The following TOLLIP variants were observed in gnomAD, a reference collection of about 807,000 sequenced individuals.
TOLLIP encodes the protein toll-interacting protein.
In TOLLIP, 16 loss-of-function variants were observed where a neutral mutation model predicts 33.5. The observed-to-expected ratio is 0.48, with a 90% confidence interval of 0.32 to 0.72. The LOEUF (loss-of-function observed/expected upper bound fraction) is 0.72. Among genes scored for constraint, TOLLIP ranks in the 30% least tolerant of loss-of-function variants. The pLI is 0.03. For missense variants in TOLLIP, 325 were observed against 396.6 expected (o/e 0.82, Z 1.53); for synonymous variants, 176 against 163.7 (o/e 1.07, Z -0.57).
chr11:1,295,775 G>T lies in TOLLIP; in HGVS notation c.53C>A (p.Pro18Gln). The T allele has an allele frequency of 1.3e-6, 2 of 1,584,914 alleles. No individual in the cohort carries two copies. The highest frequency in any genetic ancestry group is 2.3e-5 in the East Asian group (1 of 43,212). Reference protein sequence around the residue: ...QRGPVYIGELPQDFLRITPTQ... With the variant: ...QRGPVYIGELQQDFLRITPTQ... ...GGGCGTGATGCGGAGGAAGTCCTGCGGGAGCTCACCGATGTACACCTGCGG... is the reference window on the plus strand; with the variant it reads ...GGGCGTGATGCGGAGGAAGTCCTGCTGGAGCTCACCGATGTACACCTGCGG... Residue 18 changes from proline (P) to glutamine (Q), a missense_variant, in exon 2 of 6, where the codon CCG becomes CAG. Physicochemically the swap from Pro to Gln is moderately conservative, Grantham distance 76 (BLOSUM62 -1). Transcript: ENST00000317204.
In TOLLIP at chr11:1,286,762, C is replaced by T. The variant is rs376669117; in HGVS notation, c.520-670G>A. On this transcript the variant is annotated intron_variant, in intron 4 of 5. Coordinates refer to ENST00000317204, the MANE Select transcript of TOLLIP (RefSeq NM_019009.4). ...CTCCTGAGTTCAAAACTGTCCACTG[C>T]GGATAAGTCATTGCACTGCTGTTGT... Among the ~76,000 whole-genome samples the T allele has an allele frequency of 7.1e-4, 107 of 150,422 alleles. No homozygotes were observed. The South Asian group carries it at 0.013, about 18-fold the overall frequency.
chr11:1,292,780 G>C (rs143125868), intron 2 of TOLLIP, among the ~76,000 whole-genome samples: 40 of 152,408 alleles, frequency 2.6e-4, no homozygotes, highest in African/African-American at 9.1e-4. Flanking sequence ...ATGGGCAAGA[G>C]ATGCGCGGCA....
intron 1 of TOLLIP, among the ~76,000 whole-genome samples, chr11:1,305,317 G>A (rs5743883): frequency 4.3e-4 from 65 of 152,338 alleles, no homozygotes; most frequent in African/African-American, 1.5e-3. Flanking sequence ...AGGAACGGAC[G>A]CCCTCCCAGG....
Position 1,295,761 on chromosome 11 carries a change from G to T in TOLLIP, c.67C>A (p.Arg23Ser). Residue 23 changes from arginine (R) to serine (S), a missense_variant, in exon 2 of 6, where the codon CGC becomes AGC. Arg to Ser is a moderately radical substitution (Grantham distance 110, BLOSUM62 -1). Transcript: ENST00000317204. ...CGCTGCTGCTGTGTGGGCGTGATGC[G>T]GAGGAAGTCCTGCGGGAGCTCACCG... ...YIGELPQDFL[R>S]ITPTQQQRQV... The T allele has an allele frequency of 6.3e-7, 1 of 1,598,416 alleles. No individual in the cohort carries two copies. The highest frequency in any genetic ancestry group is 8.5e-7 in the Non-Finnish European group (1 of 1,172,850).
In TOLLIP at chr11:1,276,843, C is replaced by G. The variant is rs376184285; in HGVS notation, c.*196G>C. On this transcript the variant is annotated 3_prime_UTR_variant, in exon 6 of 6. Transcript: ENST00000317204. ...CAGCACGAGATGGGAGGGGAGCCCC[C>G]GCCCCGTCCTGGACCGCCAGGAACC... The G allele has an allele frequency of 1.1e-5, 17 of 1,532,638 alleles. No homozygotes were observed. Among genetic ancestry groups the G allele is most frequent in the Non-Finnish European group, 1.5e-5 (17 of 1,145,122 alleles). The allele number at this position is 1,532,638 out of a possible 1,614,324, so 94.9% of individuals were successfully genotyped here.
Position 1,288,615 on chromosome 11 carries a change from G to T in TOLLIP, c.519+9C>A. The T allele has an allele frequency of 6.2e-7, 1 of 1,607,520 alleles. No individual in the cohort carries two copies. Among genetic ancestry groups the T allele is most frequent in the Non-Finnish European group, 8.5e-7 (1 of 1,176,788 alleles). ...AATGCGCCCCACCCCGCCCAGGCGT[G>T]CAGCTCACCGCGTAGGACATGACGA... On this transcript the variant is annotated intron_variant, in intron 4 of 5. Coordinates refer to ENST00000317204, the MANE Select transcript of TOLLIP (RefSeq NM_019009.4).
At chr11:1,282,357 A>C (rs1483414639) in intron 5 of TOLLIP, among the ~76,000 whole-genome samples, 3 of 152,234 alleles carry the variant, frequency 2.0e-5, no homozygotes, top group African/African-American at 7.2e-5. Flanking sequence ...GTTTAGGAGA[A>C]ATACCTAATG....
At position 1,308,363 on chromosome 11, in the gene TOLLIP, C is replaced by T. The variant is rs191256399; in HGVS notation, c.33+1103G>A. 3.1e-4 allele frequency among the ~76,000 whole-genome samples: 47 copies of T among 152,386 alleles called. 2 individuals carry two copies. The East Asian group carries it at 5.0e-3, about 16-fold the overall frequency. Reference sequence around the variant, plus strand: ...TCGCCATGTGACGTGTAAGCTCCCACTTGGCCTTCCGCCATGACTGGGAGC... The same window carrying T: ...TCGCCATGTGACGTGTAAGCTCCCATTTGGCCTTCCGCCATGACTGGGAGC... On this transcript the variant is annotated intron_variant, in intron 1 of 5. Coordinates refer to ENST00000317204, the MANE Select transcript of TOLLIP (RefSeq NM_019009.4).
intron 1 of TOLLIP, among the ~76,000 whole-genome samples, chr11:1,305,671 G>A (rs542624885): frequency 2.6e-5 from 4 of 152,310 alleles, no homozygotes; most frequent in East Asian, 3.9e-4. Flanking sequence ...AATTATCAAC[G>A]ATGTGAAGAG....
chr11:1,289,950 T>C (rs986603684), intron 3 of TOLLIP: 1 of 429,446 alleles, frequency 2.3e-6, no homozygotes. Context: ...GGCCAGACCC[T>C]GTGCGCCCAG....
At chr11:1,288,847 C>T (rs570640821) in intron 3 of TOLLIP, 71 bp from the exon 4 acceptor site, 30 of 1,528,804 alleles carry the variant, frequency 2.0e-5, no homozygotes, top group African/African-American at 8.2e-5. Flanking sequence ...GCCGCACCAT[C>T]GTGGGCCCGC....
rs1863316817 is a variant in TOLLIP at position 1,276,756 on chromosome 11, C to T, written c.*283G>A. 1 of 1,487,752 alleles carries T rather than the reference C, an allele frequency of 6.7e-7. No homozygotes were observed. The highest frequency in any genetic ancestry group is 1.2e-5 in the South Asian group (1 of 82,802). The allele number at this position is 1,487,752 out of a possible 1,614,324, so 92.2% of individuals were successfully genotyped here. ...CTGCTCTCTACAGCAAGAGCATTTT[C>T]CAGAACGGCATGAGAAGGAGAGACG... is the stretch of plus-strand genomic sequence containing the variant. On this transcript the variant is annotated 3_prime_UTR_variant, in exon 6 of 6. Transcript: ENST00000317204.
chr11:1,286,431 T>A (rs1863697675), intron 4 of TOLLIP, among the ~76,000 whole-genome samples: 1 of 152,182 alleles, frequency 6.6e-6, no homozygotes, highest in Non-Finnish European at 1.5e-5. Flanking sequence ...ACTGCTGTGG[T>A]GTCTGAGTTT....
chr11:1,278,102 C>T lies in TOLLIP; in HGVS notation c.611-849G>A, dbSNP rs146576090. ...GCAGCACACACACCCCTGAAGGCACCGTGTGGCCGGACTTAAGACTCGCCT... is the reference window on the plus strand; with the variant it reads ...GCAGCACACACACCCCTGAAGGCACTGTGTGGCCGGACTTAAGACTCGCCT... On this transcript the variant is annotated intron_variant, in intron 5 of 5. Coordinates refer to ENST00000317204, the MANE Select transcript of TOLLIP (RefSeq NM_019009.4). This position sits in a 1 kb window ranked among gnomAD's most constrained non-coding sequence, Gnocchi z 4.7. Among the ~76,000 whole-genome samples, 335 of 152,280 alleles carry T rather than the reference C, an allele frequency of 2.2e-3. 5 individuals carry two copies. The highest frequency in any genetic ancestry group is 7.7e-3 in the African/African-American group (318 of 41,546).
Position 1,277,247 on chromosome 11 carries a change from G to A in TOLLIP, c.617C>T (p.Pro206Leu). The change falls in exon 6 of 6, where the codon CCC becomes CTC. Residue 206 changes from proline to leucine, a missense_variant. Physicochemically the swap from Pro to Leu is moderately conservative, Grantham distance 98 (BLOSUM62 -3). Transcript: ENST00000317204. This position sits in a 1 kb window ranked among gnomAD's most constrained non-coding sequence, Gnocchi z 4.2. ...CACCATGCCGGGGCTACAGACAGCG[G>A]GCATCCCTGGAAGCAAAGATCAAGT... ...GVGYVPITGM[P>L]AVCSPGMVPV... 1.3e-6 allele frequency: 2 copies of A among 1,550,114 alleles called. No individual in the cohort carries two copies. The highest frequency in any genetic ancestry group is 1.7e-6 in the Non-Finnish European group (2 of 1,144,848).
Position 1,276,724 on chromosome 11 carries a change from G to T in TOLLIP, c.*315C>A. 1 of 1,445,490 alleles carries T rather than the reference G, an allele frequency of 6.9e-7. No homozygotes were observed. The allele number at this position is 1,445,490 out of a possible 1,614,324, so 89.5% of individuals were successfully genotyped here. The stretch of plus-strand genomic sequence containing the variant: ...CTCCACCACCTCCAACACCCTGGCA[G>T]AAGCAGCTGCTCTCTACAGCAAGAG... On this transcript the variant is annotated 3_prime_UTR_variant, in exon 6 of 6. Transcript: ENST00000317204.
chr11:1,282,694 TG>T (rs1863542352), intron 5 of TOLLIP, among the ~76,000 whole-genome samples: 1 of 151,346 alleles, frequency 6.6e-6, no homozygotes, highest in South Asian at 2.1e-4. Context: ...GACGAGTCAA[TG>T]GGTGCAGCAC....
intron 5 of TOLLIP, chr11:1,283,276 A>G: frequency 3.3e-6 from 1 of 305,998 alleles, no homozygotes; most frequent in South Asian, 2.7e-5. Flanking sequence ...CCCTGACCAG[A>G]ACATACCCTA....
chr11:1,297,070 G>A (rs921436748), intron 1 of TOLLIP, among the ~76,000 whole-genome samples: 1 of 152,074 alleles, frequency 6.6e-6, no homozygotes, highest in Admixed American at 6.5e-5. Flanking sequence ...GTCTGCAGGG[G>A]CCCCGGTCAG....
Sources: gnomAD v4.1 joint callset for allele counts (sites outside exome capture counted in the v4.1 genomes callset) on GRCh38, gnomAD v4.1.1 for gene constraint, Gnocchi (gnomAD v3.1) non-coding constraint, MANE v1.5 for transcripts, NCBI Gene and HGNC (gene_info 2026-07-23, HGNC 2026-07-21) for gene names.